The following GALNT12 variants were observed in gnomAD, a reference collection of about 807,000 sequenced individuals.
The protein encoded by GALNT12 is polypeptide N-acetylgalactosaminyltransferase 12, also known as UDP-GalNAc:polypeptide N-acetylgalactosaminyltransferase 12.
In GALNT12, 45 loss-of-function variants were observed where a neutral mutation model predicts 55.5. The observed-to-expected ratio is 0.81, with a 90% CI of 0.64 to 1.04. The LOEUF (loss-of-function observed/expected upper bound fraction) is 1.04, where lower values mean the gene tolerates loss of function less well. GALNT12 is among the 50% of genes least tolerant of loss of function. The pLI is 0.00. For missense variants in GALNT12, 709 were observed against 754.8 expected (o/e 0.94, Z 0.71); for synonymous variants, 304 against 312.2 (o/e 0.97, Z 0.28).
At chr9:98,830,604 C>T (rs913423268) in intron 3 of GALNT12, among the ~76,000 whole-genome samples, 2 of 152,244 alleles carry the variant, frequency 1.3e-5, no homozygotes, top group African/African-American at 4.8e-5. Context: ...CTGGCCTTTG[C>T]CAGGGGCCAG....
At chr9:98,846,790 G>A (rs1321748836) in intron 9 of GALNT12, among the ~76,000 whole-genome samples, 1 of 149,212 alleles carries the variant, frequency 6.7e-6, no homozygotes, top group African/African-American at 2.5e-5. Context: ...CCGGAAGGCG[G>A]AGGTTGCAGT....
rs1836512617 is a variant in GALNT12 at position 98,849,942 on chromosome 9, G to T, written c.*850G>T. ...TAATAACAGTTATTAATTTAAATCA[G>T]CGTTAGAGTTTGTGCTGCTGCAACT... On this transcript the variant is annotated 3_prime_UTR_variant, in exon 10 of 10. Transcript: ENST00000375011. 2 of 227,842 alleles carry T rather than the reference G, an allele frequency of 8.8e-6. No individual in the cohort carries two copies. The highest frequency in any genetic ancestry group is 1.7e-5 in the Non-Finnish European group (2 of 115,766). The allele number at this position is 227,842 out of a possible 1,614,324, so 14.1% of individuals were successfully genotyped here. A position where few individuals can be genotyped will look rare whatever the true frequency, so the allele number is the denominator to read the frequency against.
intron 3 of GALNT12, 46 bp from the exon 4 acceptor site, chr9:98,831,726 G>A (rs1347654825): frequency 1.9e-6 from 3 of 1,605,946 alleles, no homozygotes; most frequent in East Asian, 2.2e-5. Flanking sequence ...TCTTCCTGCT[G>A]CCCGTCTGCA....
intron 8 of GALNT12, 63 bp downstream of exon 8, chr9:98,844,272 A>T: frequency 2.7e-6 from 3 of 1,101,572 alleles, no homozygotes; most frequent in East Asian, 2.5e-5. Flanking sequence ...AAATAGTTGA[A>T]TTTTTTTCTT....
rs370705797 is a variant in GALNT12 at position 98,823,288 on chromosome 9, T to C, written c.404T>C (p.Leu135Ser). 46 of 1,614,174 alleles carry C rather than the reference T, an allele frequency of 2.8e-5. No homozygotes were observed. In the East Asian group the frequency reaches 2.9e-4, roughly 10 times the overall value. ...GAGAAGAAATATGATTATGATAATT[T>C]GCCCAGGACATCTGTTATCATAGCA... ...CKEKKYDYDN[L>S]PRTSVIIAFY... The change falls in exon 2 of 10, where the codon TTG becomes TCG. Residue 135 changes from leucine (L) to serine (S), a missense_variant. Leu to Ser is a moderately radical substitution (Grantham distance 145). This residue lies in a region of GALNT12 where 315 missense variants were observed against 288.6 expected (regional missense o/e 1.09). Transcript: ENST00000375011.
intron 7 of GALNT12, 57 bp downstream of exon 7, chr9:98,840,190 C>T (rs950840308): frequency 6.2e-7 from 1 of 1,607,290 alleles, no homozygotes; most frequent in African/African-American, 1.3e-5. Context: ...TCTGGGTCTG[C>T]TCTGCAAATC....
Position 98,832,349 on chromosome 9 carries a change from A to G in GALNT12, c.917+392A>G, listed in dbSNP as rs539996591. Among the ~76,000 whole-genome samples the G allele has an allele frequency of 3.3e-5, 5 of 152,144 alleles. No individual in the cohort carries two copies. In the South Asian group the frequency reaches 6.3e-4, roughly 19 times the overall value. On this transcript the variant is annotated intron_variant, in intron 4 of 9. Coordinates refer to ENST00000375011, the MANE Select transcript of GALNT12 (RefSeq NM_024642.5). ...AGCCTGGGCAACATAGCAAGAACCT[A>G]TCTCTACAAAAAAATAAAAATTAGC... is the stretch of plus-strand genomic sequence containing the variant.
chr9:98,845,102 C>A (rs1172176970), intron 8 of GALNT12, among the ~76,000 whole-genome samples: 2 of 152,154 alleles, frequency 1.3e-5, no homozygotes, highest in Non-Finnish European at 2.9e-5. Flanking sequence ...AGGTTTTCAA[C>A]ACTGTTTAGA....
intron 3 of GALNT12, 152 bp from the exon 4 acceptor site, chr9:98,831,620 C>T (rs974292060): frequency 3.2e-5 from 30 of 926,572 alleles, no homozygotes; most frequent in Non-Finnish European, 4.8e-5. Flanking sequence ...TCTGACACGG[C>T]TGCAGACACC....
intron 1 of GALNT12, among the ~76,000 whole-genome samples, chr9:98,810,977 C>T (rs184223548): frequency 6.6e-6 from 1 of 152,232 alleles, no homozygotes; most frequent in East Asian, 1.9e-4. Flanking sequence ...AATTTTTACT[C>T]TGAGATGATA....
Position 98,837,165 on chromosome 9 carries a change from A to G in GALNT12, c.1212+17A>G. The G allele has an allele frequency of 1.2e-6, 2 of 1,613,742 alleles. No individual in the cohort carries two copies. The highest frequency in any genetic ancestry group is 1.7e-6 in the Non-Finnish European group (2 of 1,179,674). On this transcript the variant is annotated intron_variant, in intron 6 of 9. Transcript: ENST00000375011. ...GCCCGCTTGGTGAGTTCCTCGGCCC[A>G]CCTGCACTCCATCTGGCTTCATCTG...
At chr9:98,848,461 C>A (rs946732870) in intron 9 of GALNT12, among the ~76,000 whole-genome samples, 6 of 152,174 alleles carry the variant, frequency 3.9e-5, no homozygotes, top group African/African-American at 1.2e-4. Flanking sequence ...AGGCATATAA[C>A]CCACTGATTC....
In GALNT12 at chr9:98,831,857, G is replaced by A. The variant is rs2118414467; in HGVS notation, c.817G>A (p.Glu273Lys). 6.2e-7 allele frequency: 1 copy of A among 1,614,226 alleles called. No individual in the cohort carries two copies. The highest frequency in any genetic ancestry group is 8.5e-7 in the Non-Finnish European group (1 of 1,180,040). Reference protein sequence around the residue: ...NTFEYLGNSGEPQIGGFDWRL... With the variant: ...NTFEYLGNSGKPQIGGFDWRL... ...CTTCGAATACCTGGGGAACTCCGGG[G>A]AGCCCCAGATCGGCGGTTTCGACTG... Residue 273 changes from glutamate (E) to lysine (K), a missense_variant, in exon 4 of 10, where the codon GAG (glutamate) becomes AAG (lysine). Coordinates refer to ENST00000375011, the MANE Select transcript of GALNT12 (RefSeq NM_024642.5).
chr9:98,840,239 C>T, intron 7 of GALNT12, 106 bp downstream of exon 7: 2 of 1,391,348 alleles, frequency 1.4e-6, no homozygotes, highest in South Asian at 1.2e-5. Flanking sequence ...GCACTGGCTT[C>T]CTCCACTCCC....
At chr9:98,836,291 T>A (rs899098416) in intron 5 of GALNT12, among the ~76,000 whole-genome samples, 1 of 152,226 alleles carries the variant, frequency 6.6e-6, no homozygotes, top group Admixed American at 6.5e-5. Flanking sequence ...TGCTTTTCAG[T>A]GGAAAATTAA....
At chr9:98,816,918 G>T (rs532027059) in intron 1 of GALNT12, among the ~76,000 whole-genome samples, 1 of 150,300 alleles carries the variant, frequency 6.7e-6, no homozygotes, top group East Asian at 2.0e-4. Context: ...TCTGCCTTCC[G>T]GGTTCATGCC....
chr9:98,836,353 A>G (rs1836145465), intron 5 of GALNT12, among the ~76,000 whole-genome samples: 1 of 152,190 alleles, frequency 6.6e-6, no homozygotes, highest in South Asian at 2.1e-4. Flanking sequence ...AACTGAATAA[A>G]CAAGAATTTG....
Position 98,807,969 on chromosome 9 carries a change from C to CTGCGGCTGCAGGAGGAGAGCG in GALNT12, c.282_302dup (p.Gln94_Leu100dup). On this transcript the variant is annotated inframe_insertion, in exon 1 of 10. Transcript: ENST00000375011. ...GCGGCTGCAGCTGCAGGGCGAGGAG[C>CTGCGGCTGCAGGAGGAGAGCG]TGCGGCTGCAGGAGGAGAGCGTGCG... 1 of 1,475,748 alleles carries CTGCGGCTGCAGGAGGAGAGCG rather than the reference C, an allele frequency of 6.8e-7. No individual in the cohort carries two copies. 91.4% of individuals were successfully genotyped at this position (1,475,748 alleles called of 1,614,324 possible).
rs1405614986 is a variant in GALNT12, at chr9:98,836,828, A to G, written c.1036-144A>G. 3.7e-5 allele frequency: 30 copies of G among 803,780 alleles called. No homozygotes were observed. In the Admixed American group the frequency reaches 5.8e-4, roughly 15 times the overall value. 49.8% of individuals were successfully genotyped at this position (803,780 alleles called of 1,614,324 possible). A position where few individuals can be genotyped will look rare whatever the true frequency, so the allele number is the denominator to read the frequency against. On this transcript the variant is annotated intron_variant, in intron 5 of 9. Coordinates refer to ENST00000375011, the MANE Select transcript of GALNT12 (RefSeq NM_024642.5). ...ATTCTGTGTCATGAGTGTGCCGGGT[A>G]GGTGGCCTCCTGCCCGATGGAGGCT...
Sources: gnomAD v4.1 joint callset for allele counts (sites outside exome capture counted in the v4.1 genomes callset) on GRCh38, gnomAD v4.1.1 for gene constraint, gnomAD v4.1.1 regional missense constraint, MANE v1.5 for transcripts, NCBI Gene and HGNC (gene_info 2026-07-23, HGNC 2026-07-21) for gene names.